Variants in KANSL1L observed in about 807,000 individuals in gnomAD.
KANSL1L encodes the protein KAT8 regulatory NSL complex subunit 1-like protein.
A neutral mutation model predicts 108.6 loss-of-function variants in KANSL1L; 25 were observed. The ratio of observed to expected loss-of-function variants is 0.23; its 90% CI spans 0.17 to 0.32. KANSL1L has a LOEUF of 0.32. KANSL1L is among the 10% of genes least tolerant of loss of function. The pLI, the probability that KANSL1L is intolerant of heterozygous loss-of-function variation, is 1.00. For synonymous variants in KANSL1L, 405 were observed against 395.1 expected (o/e 1.03, Z -0.30); for missense variants, 1,137 against 1,125.7 (o/e 1.01, Z -0.14).
At chr2:210,148,739 C>T (rs1004287310) in intron 2 of KANSL1L, among the ~76,000 whole-genome samples, 1 of 152,122 alleles carries the variant, frequency 6.6e-6, no homozygotes, top group African/African-American at 2.4e-5. Context: ...GTAACAAAGT[C>T]AAGCGAAATA....
At chr2:210,164,982 C>T (rs113224262) in intron 1 of KANSL1L, among the ~76,000 whole-genome samples, 2,818 of 151,424 alleles carry the variant, frequency 0.019, 72 homozygotes, top group African/African-American at 0.063. Context: ...TCTCCTGCCC[C>T]AGCCTCCCAA....
At chr2:210,133,560 C>T (rs550235151) in intron 2 of KANSL1L, among the ~76,000 whole-genome samples, 3 of 151,962 alleles carry the variant, frequency 2.0e-5, no homozygotes, top group African/African-American at 7.2e-5. Context: ...TGAATATCCA[C>T]TCTTTATCAT....
rs565094814 is a variant in KANSL1L at position 210,039,790 on chromosome 2, G to A, written c.2029+630C>T. ...CTGATTCATAGCATTAAATGAGTAT[G>A]TAAAAGAATTTTACTGGGAAAGACT... On this transcript the variant is annotated intron_variant, in intron 8 of 14. Transcript: ENST00000281772. Among the ~76,000 whole-genome samples the A allele has an allele frequency of 1.5e-4, 23 of 151,862 alleles. No individual in the cohort carries two copies. In the South Asian group the frequency reaches 4.8e-3, roughly 32 times the overall value.
intron 4 of KANSL1L, among the ~76,000 whole-genome samples, chr2:210,101,565 G>A (rs541277109): frequency 1.2e-4 from 19 of 152,198 alleles, no homozygotes; most frequent in East Asian, 7.7e-4. Context: ...GGATCAAACC[G>A]AACAAGGGTT....
At chr2:210,147,998 C>T (rs1340437864) in intron 2 of KANSL1L, among the ~76,000 whole-genome samples, 1 of 152,194 alleles carries the variant, frequency 6.6e-6, no homozygotes, top group Non-Finnish European at 1.5e-5. Flanking sequence ...CCTTACTAAA[C>T]ATCAACAATT....
chr2:210,048,559 GTATA>G (rs1490153992), intron 6 of KANSL1L, among the ~76,000 whole-genome samples: 31 of 151,770 alleles, frequency 2.0e-4, no homozygotes, highest in Admixed American at 2.0e-3. Context: ...ATATGTGTGT[GTATA>G]TATGTGTGTA....
chr2:210,051,719 G>C (rs1321484182), intron 6 of KANSL1L, among the ~76,000 whole-genome samples: 1 of 152,032 alleles, frequency 6.6e-6, no homozygotes, highest in African/African-American at 2.4e-5. Context: ...GTTTGCTTTT[G>C]TTAGCTGTTT....
At chr2:210,160,949 A>G in intron 1 of KANSL1L, among the ~76,000 whole-genome samples, 1 of 152,076 alleles carries the variant, frequency 6.6e-6, no homozygotes, top group East Asian at 1.9e-4. Flanking sequence ...ATGGAAAAAA[A>G]CAGAGCTCAG....
rs186269487 is a variant in KANSL1L at position 210,045,584 on chromosome 2, C to T, written c.1756-1480G>A. Among the ~76,000 whole-genome samples, 5 of 152,348 alleles carry T rather than the reference C, an allele frequency of 3.3e-5. No homozygotes were observed. The East Asian group carries it at 9.6e-4, about 29-fold the overall frequency. ...CATAGCTCTTTCCTACAGTTCCCTA[C>T]TTCCATGTGGGATCATATTACTTCT... On this transcript the variant is annotated intron_variant, in intron 6 of 14. Coordinates refer to ENST00000281772, the MANE Select transcript of KANSL1L (RefSeq NM_152519.4).
At chr2:210,077,729 G>A (rs1575484444) in intron 5 of KANSL1L, among the ~76,000 whole-genome samples, 1 of 152,164 alleles carries the variant, frequency 6.6e-6, no homozygotes, top group Non-Finnish European at 1.5e-5. Flanking sequence ...TCCAGAGCCT[G>A]AGACCTACTT....
intron 1 of KANSL1L, among the ~76,000 whole-genome samples, chr2:210,160,350 G>GA (rs996319980): frequency 2.0e-3 from 286 of 145,596 alleles, no homozygotes; most frequent in South Asian, 3.3e-3. Flanking sequence ...TGTAGAGCAA[G>GA]AAAAAAAAAA....
intron 1 of KANSL1L, among the ~76,000 whole-genome samples, chr2:210,160,149 A>C (rs1006195868): frequency 6.6e-6 from 1 of 152,254 alleles, no homozygotes; most frequent in African/African-American, 2.4e-5. Flanking sequence ...CATTCATGAG[A>C]AAAACTCAGC....
chr2:210,136,030 T>C (rs766105353), intron 2 of KANSL1L, among the ~76,000 whole-genome samples: 33 of 152,160 alleles, frequency 2.2e-4, no homozygotes, highest in South Asian at 4.1e-4. Flanking sequence ...CTAGAAATTC[T>C]GGCATGAAGA....
At chr2:210,096,218 C>A (rs1450314338) in intron 5 of KANSL1L, among the ~76,000 whole-genome samples, 1 of 152,136 alleles carries the variant, frequency 6.6e-6, no homozygotes, top group Non-Finnish European at 1.5e-5. Context: ...TTTTCCATTT[C>A]TTTCATTTGG....
At chr2:210,037,416 C>T (rs748620095) in intron 8 of KANSL1L, among the ~76,000 whole-genome samples, 20 of 152,050 alleles carry the variant, frequency 1.3e-4, no homozygotes, top group Non-Finnish European at 2.2e-4. Context: ...AATCTAGTCT[C>T]GGGACAAATT....
intron 3 of KANSL1L, among the ~76,000 whole-genome samples, chr2:210,127,725 G>C (rs1486216143): frequency 6.9e-6 from 1 of 145,624 alleles, no homozygotes; most frequent in East Asian, 2.0e-4. Flanking sequence ...CTTGAGCCCG[G>C]GAGGTCAAGG....
chr2:210,030,104 T>C (rs1442112709), intron 9 of KANSL1L, among the ~76,000 whole-genome samples, 186 bp from the exon 10 acceptor site: 1 of 152,090 alleles, frequency 6.6e-6, no homozygotes. Flanking sequence ...CCACAAGTTA[T>C]TTCCATTTTC....
rs546641185 is a variant in KANSL1L at position 210,039,397 on chromosome 2, C to CT, written c.2029+1022dup. On this transcript the variant is annotated intron_variant, in intron 8 of 14. Coordinates refer to ENST00000281772, the MANE Select transcript of KANSL1L (RefSeq NM_152519.4). ...CTTTATATTTTCATTGTCAATATGT[C>CT]TAACAGAATTTATTCCTTTACATAG... is the stretch of plus-strand genomic sequence containing the variant. 3.0e-3 allele frequency among the ~76,000 whole-genome samples: 454 copies of CT among 151,964 alleles called. 2 individuals are homozygous for CT. Among genetic ancestry groups the CT allele is most frequent in the African/African-American group, 0.01 (433 of 41,530 alleles).
rs1688321089 is a variant in KANSL1L, at chr2:210,171,289, C to G, written c.-170G>C. 5.7e-6 allele frequency: 1 copy of G among 174,892 alleles called. No individual in the cohort carries two copies. The highest frequency in any genetic ancestry group is 1.1e-5 in the Non-Finnish European group (1 of 90,008). The allele number at this position is 174,892 out of a possible 1,614,324, so 10.8% of individuals were successfully genotyped here. A position where few individuals can be genotyped will look rare whatever the true frequency, so the allele number is the denominator to read the frequency against. On this transcript the variant is annotated 5_prime_UTR_variant, in exon 1 of 15. Coordinates refer to ENST00000281772, the MANE Select transcript of KANSL1L (RefSeq NM_152519.4). ...TCGTCTCCAGAGCGCGCCCCGCTCC[C>G]GCCCCGGCCGCCGCCGCCGCCGCCG...
Sources: allele counts gnomAD v4.1 joint callset (sites outside exome capture counted in the v4.1 genomes callset), GRCh38; gene constraint gnomAD v4.1.1; transcripts MANE v1.5; gene names NCBI Gene and HGNC (gene_info 2026-07-23, HGNC 2026-07-21).